CHID1: variants seen among roughly 807,000 people sequenced by gnomAD.
The protein encoded by CHID1 is chitinase domain-containing protein 1.
CHID1 carries 44 observed loss-of-function variants against 55.4 expected under a neutral mutation model. The ratio of observed to expected loss-of-function variants is 0.79; its 90% CI spans 0.62 to 1.02. The LOEUF is 1.02. Among genes scored for constraint, CHID1 ranks in the 50% least tolerant of loss-of-function variants. CHID1 has a pLI of 0.00. For synonymous variants in CHID1, 216 were observed against 212.9 expected (o/e 1.01, Z -0.13); for missense variants, 491 against 515.3 (o/e 0.95, Z 0.46).
At chr11:899,918 T>A (rs1851677202) in intron 6 of CHID1, 86 bp downstream of exon 6, 1 of 897,200 alleles carries the variant, frequency 1.1e-6, no homozygotes, top group African/African-American at 1.6e-5. Context: ...AAAAGCCGAG[T>A]GGAGGCCTCG....
chr11:913,281 G>A (rs569248229), upstream of CHID1, among the ~76,000 whole-genome samples: 1 of 152,216 alleles, frequency 6.6e-6, no homozygotes, highest in East Asian at 1.9e-4. Flanking sequence ...CTCCCCAAAT[G>A]CTGGGATTAT....
chr11:898,909 C>T (rs1475400150), intron 7 of CHID1, among the ~76,000 whole-genome samples: 1 of 152,204 alleles, frequency 6.6e-6, no homozygotes, highest in Non-Finnish European at 1.5e-5. Flanking sequence ...GCGGTCCACA[C>T]CACGGGTCCT....
In CHID1 at chr11:896,495, A is replaced by G. The variant is rs1222513355; in HGVS notation, c.608+2845T>C. On this transcript the variant is annotated intron_variant, in intron 7 of 12. Coordinates refer to ENST00000323578, the MANE Select transcript of CHID1 (RefSeq NM_023947.4). ...AGCACCCCCAGCCTCCACCCCAGACATGAGGCTGTCTCAGCACCCCCAGCC... is the reference window on the plus strand; with the variant it reads ...AGCACCCCCAGCCTCCACCCCAGACGTGAGGCTGTCTCAGCACCCCCAGCC... 3.3e-4 allele frequency among the ~76,000 whole-genome samples: 37 copies of G among 111,198 alleles called. 1 individual carries two copies. Among genetic ancestry groups the G allele is most frequent in the African/African-American group, 7.1e-4 (19 of 26,762 alleles). The allele number at this position is 111,198 out of a possible 152,430, so 73.0% of individuals were successfully genotyped here.
At chr11:896,163 A>C (rs1198530611) in intron 7 of CHID1, among the ~76,000 whole-genome samples, 1 of 128,242 alleles carries the variant, frequency 7.8e-6, no homozygotes, top group East Asian at 2.2e-4. Flanking sequence ...CAGCACCCCC[A>C]GCCTCCACCC....
intron 7 of CHID1, among the ~76,000 whole-genome samples, chr11:894,121 CAAAAAAAAAAAAAAA>C (rs58548115): frequency 1.4e-4 from 8 of 58,050 alleles, no homozygotes; most frequent in Non-Finnish European, 2.3e-4. Flanking sequence ...GACTCTGTCT[CAAAAAAAAAAAAAAA>C]AAAAAAAAAA....
intron 10 of CHID1, among the ~76,000 whole-genome samples, chr11:873,614 A>G (rs1384252674): frequency 2.0e-5 from 3 of 152,092 alleles, no homozygotes; most frequent in Non-Finnish European, 4.4e-5. Flanking sequence ...TGTAAGGAAT[A>G]AGGACTCAAT....
chr11:905,539 G>A (rs1000697418), intron 1 of CHID1, among the ~76,000 whole-genome samples: 2 of 152,130 alleles, frequency 1.3e-5, no homozygotes, highest in Admixed American at 6.5e-5. Flanking sequence ...GTGTGGTGGC[G>A]TGCACCTGCA....
At chr11:893,351 GCCGACACCCTGCACTGGCTGCCC>G in intron 8 of CHID1, 53 bp downstream of exon 8, 1 of 1,261,134 alleles carries the variant, frequency 7.9e-7, no homozygotes. Context: ...GGGCCCTTTG[GCCGACACCCTGCACTGGCTGCCC>G]CCGACCCCAG....
intron 10 of CHID1, among the ~76,000 whole-genome samples, chr11:871,718 C>T (rs1849186827): frequency 6.6e-6 from 1 of 152,220 alleles, no homozygotes; most frequent in Non-Finnish European, 1.5e-5. Flanking sequence ...CAGTAGGCAA[C>T]TGCAGGGGCG....
chr11:869,844 G>A lies in CHID1; in HGVS notation c.*14C>T. Reference sequence around the variant, plus strand: ...AGAAAAGAACACGTCCACCGCGGAGGCCGCAATGCCCACCTAGAGCAGGTC... The same window carrying A: ...AGAAAAGAACACGTCCACCGCGGAGACCGCAATGCCCACCTAGAGCAGGTC... On this transcript the variant is annotated 3_prime_UTR_variant, in exon 13 of 13. Transcript: ENST00000323578. 3 of 1,608,902 alleles carry A rather than the reference G, an allele frequency of 1.9e-6. No homozygotes were observed. Among genetic ancestry groups the A allele is most frequent in the Admixed American group, 1.7e-5 (1 of 60,014 alleles).
chr11:906,107 G>A (rs572941025), intron 1 of CHID1, among the ~76,000 whole-genome samples: 98 of 151,848 alleles, frequency 6.5e-4, no homozygotes, highest in Admixed American at 3.6e-3. Context: ...GCTAATTTTT[G>A]TATTTTAATA....
rs369537760 is a variant in CHID1, at chr11:904,762, T to C, written c.55A>G (p.Thr19Ala). The change falls in exon 2 of 13, where the codon ACT (threonine) becomes GCT (alanine). Residue 19 changes from threonine to alanine, a missense_variant. By Grantham distance (58) the Thr-to-Ala change is moderately conservative. Transcript: ENST00000323578. ...TTGGCATCTGACTTTGACAGGGTAG[T>C]GTGAACAGGGCTGCAGGCCAGGGCA... ...WLALACSPVHTTLSKSDAKKA... is the reference protein window; with the variant it reads ...WLALACSPVHATLSKSDAKKA... 13 of 1,613,962 alleles carry C rather than the reference T, an allele frequency of 8.1e-6. No individual in the cohort carries two copies. The African/African-American group carries it at 1.7e-4, about 22-fold the overall frequency.
rs1199094251 is a variant in CHID1 at position 870,454 on chromosome 11, G to A, written c.1005C>T (p.Asp335=). 1.9e-6 allele frequency: 3 copies of A among 1,612,284 alleles called. No individual in the cohort carries two copies. The highest frequency in any genetic ancestry group is 1.7e-5 in the Admixed American group (1 of 59,920). Residue 335 remains aspartate, a synonymous_variant, in exon 11 of 13, where the codon GAC becomes GAT. Coordinates refer to ENST00000323578, the MANE Select transcript of CHID1 (RefSeq NM_023947.4). ...CGAAGAAGTGCTCTGAGGCCTGGCT[G>A]TCCCACACCATCCGGGGCCTGTGGT... ...LKDHRPRMVW[D]SQASEHFFEY...
At chr11:891,106 A>AAC (rs10624486) in intron 8 of CHID1, among the ~76,000 whole-genome samples, 29,540 of 152,050 alleles carry the variant, frequency 0.19, 2,922 homozygotes, top group African/African-American at 0.23. Flanking sequence ...GGGAAGGATA[A>AAC]ACAGATGACA....
intron 8 of CHID1, among the ~76,000 whole-genome samples, chr11:887,488 C>T (rs1428595350): frequency 6.6e-6 from 1 of 152,134 alleles, no homozygotes; most frequent in Admixed American, 6.5e-5. Context: ...CATCCTGGTC[C>T]GAGTTGTCTG....
chr11:889,282 AC>A (rs1850630346), intron 8 of CHID1, among the ~76,000 whole-genome samples: 1 of 151,064 alleles, frequency 6.6e-6, no homozygotes, highest in Admixed American at 6.6e-5. Context: ...ACTCCCTGAA[AC>A]CCCCACCCAC....
chr11:878,079 C>T (rs1849640602), intron 10 of CHID1, among the ~76,000 whole-genome samples: 2 of 152,256 alleles, frequency 1.3e-5, no homozygotes, highest in African/African-American at 4.8e-5. Context: ...AACGCTCTCA[C>T]AGAACTGGCC....
At chr11:903,518 C>T (rs557475875) in intron 2 of CHID1, 12 of 226,000 alleles carry the variant, frequency 5.3e-5, no homozygotes, top group South Asian at 1.2e-4. Context: ...CATTGGCTCA[C>T]GCCTGTAATC....
chr11:890,718 T>C lies in CHID1; in HGVS notation c.701+2709A>G, dbSNP rs372259576. On this transcript the variant is annotated intron_variant, in intron 8 of 12. Transcript: ENST00000323578. ...TCCCACTGGCCTGTGGGGTTTACGC[T>C]GTGGCTTTGCCCCTGGGTCTCCTCC... 3.9e-5 allele frequency among the ~76,000 whole-genome samples: 6 copies of C among 152,316 alleles called. No homozygotes were observed. The East Asian group carries it at 1.2e-3, about 29-fold the overall frequency.
Sources: gnomAD v4.1 joint callset for allele counts (sites outside exome capture counted in the v4.1 genomes callset) on GRCh38, gnomAD v4.1.1 for gene constraint, MANE v1.5 for transcripts, NCBI Gene and HGNC (gene_info 2026-07-23, HGNC 2026-07-21) for gene names.